ADAMTS5: variants seen among roughly 807,000 people sequenced by gnomAD.
ADAMTS5 encodes A disintegrin and metalloproteinase with thrombospondin motifs 5.
A neutral mutation model predicts 81.4 loss-of-function variants in ADAMTS5; 54 were observed. The ratio of observed to expected loss-of-function variants is 0.66; its 90% confidence interval spans 0.53 to 0.83. ADAMTS5 has a LOEUF of 0.83. Ranked by LOEUF, ADAMTS5 falls within the 40% of genes least tolerant of loss-of-function variation. The pLI is 0.00. For missense variants in ADAMTS5, 1,194 were observed against 1,229.9 expected (o/e 0.97, Z 0.44); for synonymous variants, 532 against 508.8 (o/e 1.05, Z -0.61).
rs370729317 is a variant in ADAMTS5 at position 26,924,503 on chromosome 21, G to A, written c.2343C>T (p.Asn781=). 4.3e-6 allele frequency: 7 copies of A among 1,614,138 alleles called. No individual in the cohort carries two copies. The highest frequency in any genetic ancestry group is 3.3e-5 in the South Asian group (3 of 91,084). The stretch of plus-strand genomic sequence containing the variant: ...ACTTTCCATTGATAAGGTACTCACC[G>A]TTTTTCTTTTTCAGGGCTAAATAGG... ...FTAYLALKKK[N]GEYLINGKYM... Residue 781 remains asparagine (N), a synonymous_variant, in exon 8 of 8, where the codon AAC becomes AAT. Coordinates refer to ENST00000284987, the MANE Select transcript of ADAMTS5 (RefSeq NM_007038.5).
chr21:26,949,154 TC>T (rs1263351122), intron 2 of ADAMTS5, among the ~76,000 whole-genome samples: 2 of 149,090 alleles, frequency 1.3e-5, no homozygotes, highest in Non-Finnish European at 3.0e-5. Flanking sequence ...TATATATATA[TC>T]ACACATATAT....
In ADAMTS5 at chr21:26,954,739, C is replaced by G. The variant is rs777649165; in HGVS notation, c.1237G>C (p.Gly413Arg). 1.4e-5 allele frequency: 22 copies of G among 1,613,588 alleles called. No individual in the cohort carries two copies. The highest frequency in any genetic ancestry group is 1.7e-5 in the Non-Finnish European group (20 of 1,179,834). Residue 413 changes from glycine (G) to arginine (R), a missense_variant and splice_region_variant, in exon 2 of 8, where the codon GGA becomes CGA. By Grantham distance (125) the Gly-to-Arg change is moderately radical (BLOSUM62 -2). Transcript: ENST00000284987. ...HAAFTVAHEI[G>R]HLLGLSHDDS... ...AGGGAAAAGAAAAGGCGCTGCATAC[C>G]GATTTCGTGAGCCACAGTGAAGGCT...
chr21:26,957,761 C>A (rs1987456225), intron 1 of ADAMTS5, among the ~76,000 whole-genome samples: 1 of 151,904 alleles, frequency 6.6e-6, no homozygotes, highest in African/African-American at 2.4e-5. Flanking sequence ...ATGGTGTTGG[C>A]CAGGATACAA....
chr21:26,928,892 A>G (rs1267715702), intron 7 of ADAMTS5, among the ~76,000 whole-genome samples: 1 of 151,914 alleles, frequency 6.6e-6, no homozygotes, highest in Non-Finnish European at 1.5e-5. Flanking sequence ...GATCATCTCC[A>G]AGGTGTTTTA....
At chr21:26,953,972 A>C (rs1333210540) in intron 2 of ADAMTS5, 1 of 153,034 alleles carries the variant, frequency 6.5e-6, no homozygotes, top group Non-Finnish European at 1.5e-5. Context: ...ATTTAGGACT[A>C]GATGTTGGAA....
Position 26,920,471 on chromosome 21 carries a change from C to T in ADAMTS5, c.*3582G>A, listed in dbSNP as rs553567805. ...GTTATACAAACCCAATCTATTTGTG[C>T]TCATCTGTAGAATCCTACAGACACT... is the stretch of plus-strand genomic sequence containing the variant. On this transcript the variant is annotated 3_prime_UTR_variant, in exon 8 of 8. Transcript: ENST00000284987. 2.0e-5 allele frequency: 3 copies of T among 152,196 alleles called. 1 individual carries two copies. The South Asian group carries it at 6.2e-4, about 32-fold the overall frequency. 9.4% of individuals were successfully genotyped at this position (152,196 alleles called of 1,614,324 possible).
In ADAMTS5 at chr21:26,924,058, A is replaced by G; in HGVS notation, c.2788T>C (p.Cys930Arg). The G allele has an allele frequency of 6.3e-7, 1 of 1,592,352 alleles. No homozygotes were observed. Among genetic ancestry groups the G allele is most frequent in the Non-Finnish European group, 8.6e-7 (1 of 1,164,012 alleles). ...CATAAGATCATAACCACAGGCTAAC[A>G]TTTCTTCAACAAGCATTGCTTAAAC... ...SAFKQCLLKK[C>R] The change falls in exon 8 of 8, where the codon TGT (cysteine) becomes CGT (arginine). Residue 930 changes from cysteine to arginine, a missense_variant. This residue lies in a region of ADAMTS5 where 696 missense variants were observed against 817.6 expected (regional missense o/e 0.85). Coordinates refer to ENST00000284987, the MANE Select transcript of ADAMTS5 (RefSeq NM_007038.5).
chr21:26,934,321 A>G, intron 4 of ADAMTS5, 145 bp downstream of exon 4: 1 of 1,076,886 alleles, frequency 9.3e-7, no homozygotes, highest in South Asian at 1.7e-5. Flanking sequence ...TACTGCGGGT[A>G]AAAGAAGAAG....
rs1163492506 is a variant in ADAMTS5, at chr21:26,965,749, T to G, written c.643A>C (p.Thr215Pro). Residue 215 changes from threonine to proline, a missense_variant, in exon 1 of 8, where the codon ACA (threonine) becomes CCA (proline). By Grantham distance (38) the Thr-to-Pro change is conservative. Coordinates refer to ENST00000284987, the MANE Select transcript of ADAMTS5 (RefSeq NM_007038.5). ...PRASCETPAS[T>P]PEAHEHAPAH... ...GGAGCATGCTCGTGGGCCTCCGGTG[T>G]GGACGCGGGGGTTTCGCAGCTGGCG... 6.3e-7 allele frequency: 1 copy of G among 1,597,340 alleles called. No homozygotes were observed.
rs749923286 is a variant in ADAMTS5 at position 26,929,957 on chromosome 21, A to G, written c.2154T>C (p.Tyr718=). 6 of 1,614,158 alleles carry G rather than the reference A, an allele frequency of 3.7e-6. No individual in the cohort carries two copies. The South Asian group carries it at 6.6e-5, about 18-fold the overall frequency. ...CTCCTCCACATACTCCGCACTTGTC[A>G]TACTGCAGCTTTGAGCCAATGATGC... ...CDGIIGSKLQ[Y]DKCGVCGGDN... The change falls in exon 7 of 8, where the codon TAT becomes TAC. Residue 718 remains tyrosine, a synonymous_variant. Transcript: ENST00000284987.
Position 26,939,319 on chromosome 21 carries a change from G to A in ADAMTS5, c.1405+4061C>T, listed in dbSNP as rs1668139931. Among the ~76,000 whole-genome samples, 6 of 152,254 alleles carry A rather than the reference G, an allele frequency of 3.9e-5. No individual in the cohort carries two copies. The South Asian group carries it at 1.0e-3, about 26-fold the overall frequency. Reference sequence around the variant, plus strand: ...TCCCTGTGATAGAGGATAAAGGAAAGTTTTTAAAAATATAAGTCACCGTGG... The same window carrying A: ...TCCCTGTGATAGAGGATAAAGGAAAATTTTTAAAAATATAAGTCACCGTGG... On this transcript the variant is annotated intron_variant, in intron 3 of 7. Transcript: ENST00000284987.
chr21:26,937,982 G>A (rs552685841), intron 3 of ADAMTS5, among the ~76,000 whole-genome samples: 2 of 152,330 alleles, frequency 1.3e-5, no homozygotes, highest in South Asian at 2.1e-4. Context: ...GCTCATGCCT[G>A]TAATCCCAGC....
chr21:26,943,371 G>A lies in ADAMTS5; in HGVS notation c.1405+9C>T, dbSNP rs1281530055. On this transcript the variant is annotated intron_variant, in intron 3 of 7. Coordinates refer to ENST00000284987, the MANE Select transcript of ADAMTS5 (RefSeq NM_007038.5). ...TTTCTCAGTCTGTGTTCTCCTAAAT[G>A]ATACATACCATGGCCATCATCCAGG... is the stretch of plus-strand genomic sequence containing the variant. The A allele has an allele frequency of 3.1e-6, 5 of 1,608,804 alleles. No homozygotes were observed. The East Asian group carries it at 6.7e-5, about 22-fold the overall frequency.
chr21:26,947,984 A>G (rs1440317714), intron 2 of ADAMTS5, among the ~76,000 whole-genome samples: 1 of 152,218 alleles, frequency 6.6e-6, no homozygotes, highest in Non-Finnish European at 1.5e-5. Flanking sequence ...TAGCAAACAA[A>G]TCGTCACCTG....
chr21:26,940,363 A>AT (rs1046896448), intron 3 of ADAMTS5, among the ~76,000 whole-genome samples: 3 of 152,110 alleles, frequency 2.0e-5, no homozygotes, highest in Non-Finnish European at 4.4e-5. Flanking sequence ...ACTGAAAGTC[A>AT]TTTTTTTCTG....
At chr21:26,964,984 C>T (rs746291150) in intron 1 of ADAMTS5, among the ~76,000 whole-genome samples, 2 of 152,188 alleles carry the variant, frequency 1.3e-5, no homozygotes, top group Admixed American at 6.5e-5. Context: ...ATCATTTCCC[C>T]AAGCATCCTT....
At chr21:26,960,114 A>G (rs1020470428) in intron 1 of ADAMTS5, among the ~76,000 whole-genome samples, 7 of 152,180 alleles carry the variant, frequency 4.6e-5, no homozygotes, top group African/African-American at 1.7e-4. Flanking sequence ...CTTCTGCTAC[A>G]AAGAATTTTT....
At chr21:26,959,014 T>C (rs1431826971) in intron 1 of ADAMTS5, among the ~76,000 whole-genome samples, 1 of 152,100 alleles carries the variant, frequency 6.6e-6, no homozygotes, top group Admixed American at 6.5e-5. Context: ...ACAGGATCTG[T>C]TGAGCAGAGG....
At position 26,966,262 on chromosome 21, in the gene ADAMTS5, G is replaced by C. The variant is rs3746840; in HGVS notation, c.130C>G (p.Arg44Gly). 6.3e-7 allele frequency: 1 copy of C among 1,581,366 alleles called. No homozygotes were observed. The highest frequency in any genetic ancestry group is 8.6e-7 in the Non-Finnish European group (1 of 1,167,098). The change falls in exon 1 of 8, where the codon CGC (arginine) becomes GGC (glycine). Residue 44 changes from arginine to glycine, a missense_variant. This residue lies in a region of ADAMTS5 where 498 missense variants were observed against 412.3 expected (regional missense o/e 1.21). Transcript: ENST00000284987. ...PPTAAAAAQPRRRQGEEVQER... is the reference protein window; with the variant it reads ...PPTAAAAAQPGRRQGEEVQER... ...TGCACCTCCTCCCCCTGCCGCCGGC[G>C]GGGCTGGGCGGCTGCTGCAGCAGTC... is the stretch of plus-strand genomic sequence containing the variant.
Sources: gnomAD v4.1 joint callset for allele counts (sites outside exome capture counted in the v4.1 genomes callset) on GRCh38, gnomAD v4.1.1 for gene constraint, gnomAD v4.1.1 regional missense constraint, MANE v1.5 for transcripts, NCBI Gene and HGNC (gene_info 2026-07-23, HGNC 2026-07-21) for gene names.